UNC5C: variants seen among roughly 807,000 people sequenced by gnomAD.
UNC5C encodes netrin receptor UNC5C.
A neutral mutation model predicts 99.8 loss-of-function variants in UNC5C; 47 were observed. The observed-to-expected ratio is 0.47, with a 90% CI of 0.37 to 0.60. UNC5C has a LOEUF of 0.60. UNC5C is among the 20% of genes least tolerant of loss of function. UNC5C has a pLI of 0.00. For missense variants in UNC5C, 1,062 were observed against 1,165.9 expected (o/e 0.91, Z 1.30); for synonymous variants, 487 against 452.2 (o/e 1.08, Z -0.98).
In UNC5C at chr4:95,168,978, A is replaced by G; in HGVS notation, c.*256T>C. ...TCCTGTACCACACAGCATACAGCCC[A>G]ACTAAGAGGAAAATTAGGTTGATAG... On this transcript the variant is annotated 3_prime_UTR_variant, in exon 16 of 16. Transcript: ENST00000453304. The G allele has an allele frequency of 2.1e-6, 1 of 472,310 alleles. No individual in the cohort carries two copies. Among genetic ancestry groups the G allele is most frequent in the Non-Finnish European group, 3.8e-6 (1 of 262,004 alleles). The allele number at this position is 472,310 out of a possible 1,614,324, so 29.3% of individuals were successfully genotyped here.
At chr4:95,539,905 T>C (rs1391431388) in intron 1 of UNC5C, among the ~76,000 whole-genome samples, 2 of 150,920 alleles carry the variant, frequency 1.3e-5, no homozygotes, top group Non-Finnish European at 2.9e-5. Context: ...CTGCCAAAAC[T>C]TATCCTAGCC....
At chr4:95,484,396 T>C (rs182097105) in intron 1 of UNC5C, among the ~76,000 whole-genome samples, 1 of 151,954 alleles carries the variant, frequency 6.6e-6, no homozygotes, top group African/African-American at 2.4e-5. Flanking sequence ...TGCCCAGTAG[T>C]ATCCTGTTCC....
intron 1 of UNC5C, among the ~76,000 whole-genome samples, chr4:95,512,988 C>A (rs754058298): frequency 9.2e-5 from 14 of 152,134 alleles, no homozygotes; most frequent in Admixed American, 1.3e-4. Flanking sequence ...TTACCGCCTG[C>A]AAAGATGTCC....
intron 1 of UNC5C, among the ~76,000 whole-genome samples, chr4:95,508,468 G>A (rs369215121): frequency 6.6e-6 from 1 of 151,858 alleles, no homozygotes; most frequent in Admixed American, 6.6e-5. Flanking sequence ...ATCTGATCTT[G>A]TTATTGGCTC....
intron 5 of UNC5C, 113 bp downstream of exon 5, chr4:95,250,374 G>C (rs936615542): frequency 1.7e-6 from 2 of 1,154,046 alleles, no homozygotes; most frequent in Non-Finnish European, 2.5e-6. Context: ...GACAGAGCAA[G>C]ACCCTGTCTC....
intron 3 of UNC5C, among the ~76,000 whole-genome samples, chr4:95,291,063 C>T (rs1741425056): frequency 6.6e-6 from 1 of 151,922 alleles, no homozygotes; most frequent in Non-Finnish European, 1.5e-5. Context: ...ATTTATAGGA[C>T]AAACACATTT....
intron 1 of UNC5C, among the ~76,000 whole-genome samples, chr4:95,460,197 G>GTTTTTTTT (rs5860408): frequency 7.3e-6 from 1 of 137,410 alleles, no homozygotes; most frequent in African/African-American, 2.7e-5. Context: ...TCCATGTGGT[G>GTTTTTTTT]TTTTTTTTTT....
At chr4:95,503,972 A>T (rs1206136936) in intron 1 of UNC5C, among the ~76,000 whole-genome samples, 9 of 152,186 alleles carry the variant, frequency 5.9e-5, no homozygotes, top group Admixed American at 1.3e-4. Context: ...ATCAGTTCAC[A>T]TCAGTCCAAG....
At chr4:95,357,147 A>G (rs201504532) in intron 1 of UNC5C, among the ~76,000 whole-genome samples, 5 of 101,934 alleles carry the variant, frequency 4.9e-5, no homozygotes, top group Non-Finnish European at 8.2e-5. Flanking sequence ...TTTTTTTTTT[A>G]TTTAAAGACA....
intron 12 of UNC5C, 127 bp downstream of exon 12, chr4:95,202,604 T>C (rs910093745): frequency 2.3e-6 from 2 of 874,118 alleles, no homozygotes; most frequent in African/African-American, 3.4e-5. Context: ...GTGCATCCTT[T>C]TGGGCCAAAC....
intron 1 of UNC5C, among the ~76,000 whole-genome samples, chr4:95,538,380 T>A (rs1176768750): frequency 6.6e-6 from 1 of 152,178 alleles, no homozygotes; most frequent in Non-Finnish European, 1.5e-5. Context: ...TGTTTGAACA[T>A]TCCTTTCCCT....
At chr4:95,179,876 C>CTTCTT (rs1736538874) in intron 14 of UNC5C, among the ~76,000 whole-genome samples, 2 of 151,832 alleles carry the variant, frequency 1.3e-5, no homozygotes, top group Admixed American at 1.3e-4. Context: ...TACATGCTAC[C>CTTCTT]TTCTTTTCTC....
chr4:95,271,388 C>T (rs867509968), intron 4 of UNC5C, among the ~76,000 whole-genome samples: 36 of 148,958 alleles, frequency 2.4e-4, no homozygotes, highest in Middle Eastern at 3.4e-3. Flanking sequence ...CCACCACGCC[C>T]GGCTAATTTT....
intron 1 of UNC5C, among the ~76,000 whole-genome samples, chr4:95,507,404 C>T (rs1721952961): frequency 6.6e-6 from 1 of 152,014 alleles, no homozygotes; most frequent in African/African-American, 2.4e-5. Flanking sequence ...GTTTAACTGC[C>T]ACCCCTCTTC....
intron 1 of UNC5C, among the ~76,000 whole-genome samples, chr4:95,400,384 C>CTTTTTTTTTTTTTTTT (rs1171870515): frequency 1.5e-5 from 1 of 65,764 alleles, no homozygotes; most frequent in Non-Finnish European, 2.8e-5. Context: ...GAGATGAATT[C>CTTTTTTTTTTTTTTTT]TTTTTTTTTT....
intron 1 of UNC5C, among the ~76,000 whole-genome samples, chr4:95,463,369 C>T (rs1243936748): frequency 2.0e-5 from 3 of 152,104 alleles, no homozygotes; most frequent in Non-Finnish European, 4.4e-5. Flanking sequence ...ATGCCAGGCT[C>T]TCCTGATTTA....
chr4:95,485,248 G>T (rs979505383), intron 1 of UNC5C, among the ~76,000 whole-genome samples: 1 of 151,726 alleles, frequency 6.6e-6, no homozygotes, highest in African/African-American at 2.4e-5. Context: ...GGAATTACCA[G>T]ATATCTTATG....
At chr4:95,261,338 G>A (rs1047022718) in intron 4 of UNC5C, among the ~76,000 whole-genome samples, 1 of 152,194 alleles carries the variant, frequency 6.6e-6, no homozygotes, top group South Asian at 2.1e-4. Context: ...AGAACTAGCA[G>A]TAGAATTGGG....
intron 12 of UNC5C, among the ~76,000 whole-genome samples, chr4:95,185,648 C>A (rs1736800594): frequency 6.6e-6 from 1 of 152,130 alleles, no homozygotes; most frequent in Non-Finnish European, 1.5e-5. Context: ...ATTCCTTGGA[C>A]TTGATAAAAC....
Sources: allele counts gnomAD v4.1 joint callset (sites outside exome capture counted in the v4.1 genomes callset), GRCh38; gene constraint gnomAD v4.1.1; transcripts MANE v1.5; gene names NCBI Gene and HGNC (gene_info 2026-07-23, HGNC 2026-07-21).